PCDHGA2: variants seen among roughly 807,000 people sequenced by gnomAD.
PCDHGA2 encodes the protein protocadherin gamma subfamily A, 2.
A neutral mutation model predicts 59.2 loss-of-function variants in PCDHGA2; 40 were observed. That is an observed-to-expected ratio of 0.68 (90% CI 0.52 to 0.88). The LOEUF (loss-of-function observed/expected upper bound fraction) is 0.88. PCDHGA2 is among the 40% of genes least tolerant of loss of function. The probability of loss-of-function intolerance (pLI) is 0.00; values close to 1 mark genes in which losing one functional copy is unlikely to be tolerated. For synonymous variants in PCDHGA2, 560 were observed against 526.0 expected (o/e 1.06, Z -0.89); for missense variants, 1,226 against 1,204.0 (o/e 1.02, Z -0.27).
In PCDHGA2 at chr5:141,490,453, T is replaced by C; in HGVS notation, c.2425-4354T>C. 6.2e-7 allele frequency: 1 copy of C among 1,614,178 alleles called. No homozygotes were observed. Among genetic ancestry groups the C allele is most frequent in the Non-Finnish European group, 8.5e-7 (1 of 1,180,042 alleles). ...GATTAAGCCTTCTGAGAACCACTAC[T>C]CGCTGCTAACCAGCCAGCCTTTGGA... On this transcript the variant is annotated intron_variant, in intron 1 of 3. Coordinates refer to ENST00000394576, the MANE Select transcript of PCDHGA2 (RefSeq NM_018915.4). This position sits in a 1 kb window ranked among gnomAD's most constrained non-coding sequence, Gnocchi z 5.4.
At chr5:141,475,840 A>G (rs1039073157) in intron 1 of PCDHGA2, 2 of 434,770 alleles carry the variant, frequency 4.6e-6, no homozygotes, top group Non-Finnish European at 8.2e-6. Context: ...TGTCCTGCTC[A>G]GAGAGCCCGG....
At chr5:141,481,524 A>G (rs186970700) in intron 1 of PCDHGA2, among the ~76,000 whole-genome samples, 4 of 152,240 alleles carry the variant, frequency 2.6e-5, no homozygotes, top group African/African-American at 9.6e-5. Flanking sequence ...CTCAGTAAAA[A>G]TCTAGAGATG....
chr5:141,362,901 G>C (rs1323871801), intron 1 of PCDHGA2, among the ~76,000 whole-genome samples: 2 of 152,148 alleles, frequency 1.3e-5, no homozygotes, highest in Non-Finnish European at 2.9e-5. Flanking sequence ...CTTCCTCTTA[G>C]AATCATAATA....
At chr5:141,459,606 T>G (rs1430790771) in intron 1 of PCDHGA2, among the ~76,000 whole-genome samples, 1 of 152,250 alleles carries the variant, frequency 6.6e-6, no homozygotes, top group Non-Finnish European at 1.5e-5. Context: ...GGGAAGTATA[T>G]GCTTAACTTT....
Position 141,370,705 on chromosome 5 carries a change from T to C in PCDHGA2, c.2424+29310T>C, listed in dbSNP as rs766733768. ...TGTGGCAAGAAGTCGACGTGTGTTC[T>C]GGAATTTGAAATGGTTGCTGAAAAG... On this transcript the variant is annotated intron_variant, in intron 1 of 3. Transcript: ENST00000394576. The C allele has an allele frequency of 5.0e-6, 8 of 1,613,842 alleles. No individual in the cohort carries two copies. Among genetic ancestry groups the C allele is most frequent in the Non-Finnish European group, 6.8e-6 (8 of 1,179,894 alleles).
At chr5:141,423,557 G>A (rs1365715281) in intron 1 of PCDHGA2, 4 of 1,613,536 alleles carry the variant, frequency 2.5e-6, no homozygotes, top group East Asian at 2.2e-5. Context: ...CCCAACTATG[G>A]GGACACGCTC....
Position 141,339,218 on chromosome 5 carries a change from A to C in PCDHGA2, c.247A>C (p.Ser83Arg). The C allele has an allele frequency of 6.2e-7, 1 of 1,614,162 alleles. No homozygotes were observed. The highest frequency in any genetic ancestry group is 1.1e-5 in the South Asian group (1 of 91,080). ...QLFALNPRSG[S>R]LVTANRIDRE... ...CTTTGCTCTGAACCCGCGAAGCGGCAGCTTGGTCACTGCGAACAGGATAGA... is the reference window on the plus strand; with the variant it reads ...CTTTGCTCTGAACCCGCGAAGCGGCCGCTTGGTCACTGCGAACAGGATAGA... The change falls in exon 1 of 4, where the codon AGC becomes CGC. Residue 83 changes from serine (S) to arginine (R), a missense_variant. Transcript: ENST00000394576.
At position 141,490,359 on chromosome 5, in the gene PCDHGA2, T is replaced by A; in HGVS notation, c.2425-4448T>A. On this transcript the variant is annotated intron_variant, in intron 1 of 3. Coordinates refer to ENST00000394576, the MANE Select transcript of PCDHGA2 (RefSeq NM_018915.4). The surrounding 1 kb of genome is among the most constrained non-coding windows in gnomAD (Gnocchi z 5.4). ...TGGGCACAGTAGTGGGGTTGTTTAA[T>A]GTGCGAGACCGGGACTCAGGTAGAA... 6.2e-7 allele frequency: 1 copy of A among 1,614,212 alleles called. No individual in the cohort carries two copies. The highest frequency in any genetic ancestry group is 8.5e-7 in the Non-Finnish European group (1 of 1,180,036).
chr5:141,385,268 C>A (rs1561607524), intron 1 of PCDHGA2: 3 of 1,613,616 alleles, frequency 1.9e-6, no homozygotes, highest in South Asian at 2.2e-5. Context: ...AAAAATGATT[C>A]TTTGCTAACA....
At chr5:141,383,976 C>G in intron 1 of PCDHGA2, 1 of 1,613,760 alleles carries the variant, frequency 6.2e-7, no homozygotes, top group Non-Finnish European at 8.5e-7. Flanking sequence ...TCCCTGAAGA[C>G]ACACCTCTTG....
intron 1 of PCDHGA2, chr5:141,351,796 G>A (rs1758827149): frequency 1.9e-6 from 3 of 1,613,356 alleles, no homozygotes; most frequent in Middle Eastern, 1.7e-4. Context: ...TGGTGTTCGC[G>A]CAGCGCGCCT....
intron 1 of PCDHGA2, chr5:141,411,407 A>G (rs2154543610): frequency 6.6e-6 from 1 of 151,868 alleles, no homozygotes; most frequent in East Asian, 1.9e-4. Context: ...CCCCATCTCT[A>G]CTAAAACAAC....
In PCDHGA2 at chr5:141,408,711, A is replaced by T. The variant is rs763392682; in HGVS notation, c.2424+67316A>T. The T allele has an allele frequency of 9.3e-6, 15 of 1,612,568 alleles. No homozygotes were observed. In the East Asian group the frequency reaches 3.3e-4, roughly 36 times the overall value. On this transcript the variant is annotated intron_variant, in intron 1 of 3. Transcript: ENST00000394576. The stretch of plus-strand genomic sequence containing the variant: ...ATAAACATAAACTCAATTAAAGATT[A>T]TAAGATAAACTCTAATCCTTATTTT...
At chr5:141,393,299 G>T (rs768038476) in intron 1 of PCDHGA2, 8 of 1,613,780 alleles carry the variant, frequency 5.0e-6, no homozygotes, top group Middle Eastern at 1.6e-4. Context: ...ACCCGGATGT[G>T]GGCGTGAACT....
At chr5:141,360,708 T>C in intron 1 of PCDHGA2, 1 of 1,613,948 alleles carries the variant, frequency 6.2e-7, no homozygotes, top group South Asian at 1.1e-5. Context: ...GTCGTAAATA[T>C]CCTGAGTTGA....
chr5:141,432,715 C>T lies in PCDHGA2; in HGVS notation c.2425-62092C>T. 1 of 1,613,996 alleles carries T rather than the reference C, an allele frequency of 6.2e-7. No individual in the cohort carries two copies. The highest frequency in any genetic ancestry group is 8.5e-7 in the Non-Finnish European group (1 of 1,179,970). ...TGGCCGTCCAGGACCACGGCCAGCC[C>T]CCTCTCTCCGCCACTGTCACGCTCA... On this transcript the variant is annotated intron_variant, in intron 1 of 3. Transcript: ENST00000394576. This position sits in a 1 kb window ranked among gnomAD's most constrained non-coding sequence, Gnocchi z 6.0.
At position 141,369,113 on chromosome 5, in the gene PCDHGA2, T is replaced by G. The variant is rs192436354; in HGVS notation, c.2424+27718T>G. 6.1e-4 allele frequency among the ~76,000 whole-genome samples: 93 copies of G among 152,262 alleles called. 2 individuals are homozygous for G. Among genetic ancestry groups the G allele is most frequent in the African/African-American group, 2.2e-3 (90 of 41,546 alleles). ...TGGTTTGAAAATGGAATTAAAACTG[T>G]AAGACACCTGTCAGAAACATGGAAA... On this transcript the variant is annotated intron_variant, in intron 1 of 3. Coordinates refer to ENST00000394576, the MANE Select transcript of PCDHGA2 (RefSeq NM_018915.4).
At chr5:141,357,757 G>T in intron 1 of PCDHGA2, 3 of 1,061,912 alleles carry the variant, frequency 2.8e-6, no homozygotes, top group Non-Finnish European at 4.0e-6. Flanking sequence ...AAAACTGGTG[G>T]ATGACCTTCC....
intron 1 of PCDHGA2, chr5:141,366,838 T>G: frequency 6.7e-7 from 1 of 1,503,394 alleles, no homozygotes; most frequent in Non-Finnish European, 8.9e-7. Context: ...ATCAGCTAGT[T>G]ATGTAAATAG....
Sources: gnomAD v4.1 joint callset for allele counts (sites outside exome capture counted in the v4.1 genomes callset) on GRCh38, gnomAD v4.1.1 for gene constraint, Gnocchi (gnomAD v3.1) non-coding constraint, MANE v1.5 for transcripts, NCBI Gene and HGNC (gene_info 2026-07-23, HGNC 2026-07-21) for gene names.